VAV2: variants seen among roughly 807,000 people sequenced by gnomAD.
VAV2 encodes the protein guanine nucleotide exchange factor VAV2.
Under a neutral mutation model 132.5 loss-of-function variants are expected in VAV2, and 67 were observed. The observed-to-expected ratio is 0.51, with a 90% confidence interval of 0.42 to 0.62. The LOEUF (loss-of-function observed/expected upper bound fraction) is 0.62. Among genes scored for constraint, VAV2 ranks in the 20% least tolerant of loss-of-function variants. The probability of loss-of-function intolerance (pLI) is 0.00; values close to 1 mark genes in which losing one functional copy is unlikely to be tolerated. For missense variants in VAV2, 938 were observed against 1,153.6 expected (o/e 0.81, Z 2.71); for synonymous variants, 492 against 443.5 (o/e 1.11, Z -1.37).
chr9:133,764,080 T>C lies in VAV2; in HGVS notation c.2619A>G (p.Glu873=). 6.2e-7 allele frequency: 1 copy of C among 1,614,014 alleles called. No individual in the cohort carries two copies. Among genetic ancestry groups the C allele is most frequent in the East Asian group, 2.2e-5 (1 of 44,876 alleles). Residue 873 remains glutamate, a synonymous_variant, in exon 30 of 30, where the codon GAA becomes GAG. Coordinates refer to ENST00000371850, the MANE Select transcript of VAV2 (RefSeq NM_001134398.2). The part of the protein sequence containing the change: ...RIGWFPSTYV[E]EEGIQ Reference sequence around the variant, plus strand: ...CCTGCCGTCACTGGATGCCCTCCTCTTCTACGTACGTTGAAGGAAACCAGC... The same window carrying C: ...CCTGCCGTCACTGGATGCCCTCCTCCTCTACGTACGTTGAAGGAAACCAGC...
At chr9:133,846,524 A>C (rs1412136997) in intron 3 of VAV2, among the ~76,000 whole-genome samples, 1 of 151,778 alleles carries the variant, frequency 6.6e-6, no homozygotes, top group Non-Finnish European at 1.5e-5. Context: ...GGCTCCCCTC[A>C]CACGTTGCTC....
At chr9:133,985,649 T>A (rs1283338028) in intron 1 of VAV2, among the ~76,000 whole-genome samples, 3 of 152,136 alleles carry the variant, frequency 2.0e-5, no homozygotes. Flanking sequence ...AAACAGCTGG[T>A]TCTTAAGCTG....
chr9:133,896,986 C>T (rs1368586591), intron 2 of VAV2, among the ~76,000 whole-genome samples: 3 of 151,838 alleles, frequency 2.0e-5, no homozygotes, highest in Non-Finnish European at 4.4e-5. Context: ...CCCAGCTACT[C>T]GGGAGGCTGA....
chr9:133,977,749 A>C (rs1294593431), intron 1 of VAV2, among the ~76,000 whole-genome samples: 2 of 152,208 alleles, frequency 1.3e-5, no homozygotes, highest in Non-Finnish European at 2.9e-5. Context: ...AACCACAGAC[A>C]CGCCAGAGAA....
chr9:133,903,952 T>C (rs1279117877), intron 2 of VAV2, among the ~76,000 whole-genome samples: 4 of 152,248 alleles, frequency 2.6e-5, no homozygotes, highest in Non-Finnish European at 5.9e-5. Context: ...TTTTTAAAGA[T>C]GTAAACGATT....
chr9:133,952,742 G>A (rs1204064930), intron 1 of VAV2, among the ~76,000 whole-genome samples: 1 of 152,206 alleles, frequency 6.6e-6, no homozygotes, highest in South Asian at 2.1e-4. Flanking sequence ...TTGGCATGAT[G>A]CAGCCACAAG....
At chr9:133,977,736 G>A (rs1215186546) in intron 1 of VAV2, among the ~76,000 whole-genome samples, 1 of 152,222 alleles carries the variant, frequency 6.6e-6, no homozygotes, top group Non-Finnish European at 1.5e-5. Flanking sequence ...CCTGCCGGAC[G>A]CCAACCACAG....
chr9:133,864,219 C>CA (rs11390946), intron 2 of VAV2, among the ~76,000 whole-genome samples: 4,282 of 152,310 alleles, frequency 0.028, 186 homozygotes, highest in African/African-American at 0.096. Flanking sequence ...CAGACAGCCG[C>CA]GGGGCAGGAG....
intron 3 of VAV2, among the ~76,000 whole-genome samples, chr9:133,851,897 ATGG>A (rs1564405594): frequency 6.9e-6 from 1 of 145,364 alleles, no homozygotes; most frequent in East Asian, 2.0e-4. Flanking sequence ...GCATGGATGG[ATGG>A]ATGGATGGGT....
rs1402319248 is a variant in VAV2, at chr9:133,770,369, G to A, written c.2347+9C>T. 5.6e-6 allele frequency: 9 copies of A among 1,613,870 alleles called. No individual in the cohort carries two copies. Among genetic ancestry groups the A allele is most frequent in the Non-Finnish European group, 7.6e-6 (9 of 1,179,862 alleles). Reference sequence around the variant, plus strand: ...GAGTGCTGGTGTGCCGGCTGGGCCGGGGCGTTACCTGGGGACCGGCTGGAG... The same window carrying A: ...GAGTGCTGGTGTGCCGGCTGGGCCGAGGCGTTACCTGGGGACCGGCTGGAG... On this transcript the variant is annotated intron_variant, in intron 27 of 29. Transcript: ENST00000371850.
intron 2 of VAV2, among the ~76,000 whole-genome samples, chr9:133,892,633 G>A (rs1034136509): frequency 1.5e-4 from 23 of 152,110 alleles, no homozygotes; most frequent in African/African-American, 5.6e-4. Flanking sequence ...CCTGAATCGG[G>A]CGTCAGAGTC....
At chr9:133,925,776 C>A (rs571261128) in intron 2 of VAV2, 5 of 152,144 alleles carry the variant, frequency 3.3e-5, no homozygotes, top group Non-Finnish European at 5.9e-5. Flanking sequence ...TTCAAAAAAC[C>A]AGTACTCCTG....
chr9:133,940,185 C>T (rs368627568), intron 1 of VAV2, among the ~76,000 whole-genome samples: 98 of 152,270 alleles, frequency 6.4e-4, no homozygotes, highest in African/African-American at 2.1e-3. Flanking sequence ...ACCTGCCTCA[C>T]GGGATTAATC....
rs530143845 is a variant in VAV2, at chr9:133,903,620, C to T, written c.321+35483G>A. 1.1e-4 allele frequency among the ~76,000 whole-genome samples: 17 copies of T among 152,284 alleles called. No individual in the cohort carries two copies. In the South Asian group the frequency reaches 2.3e-3, roughly 20 times the overall value. On this transcript the variant is annotated intron_variant, in intron 2 of 29. Coordinates refer to ENST00000371850, the MANE Select transcript of VAV2 (RefSeq NM_001134398.2). ...ACATGGCCTCAGCCAGCCTCGGGTC[C>T]GGTGGCTCACAGAGGCTCACCTGGT... is the stretch of plus-strand genomic sequence containing the variant.
chr9:133,906,143 A>T (rs1315628010), intron 2 of VAV2, among the ~76,000 whole-genome samples: 1 of 152,192 alleles, frequency 6.6e-6, no homozygotes, highest in East Asian at 1.9e-4. Context: ...TGTGGCGTGG[A>T]TCCCAAAAGC....
intron 3 of VAV2, among the ~76,000 whole-genome samples, chr9:133,855,317 G>C (rs1837344299): frequency 6.6e-6 from 1 of 152,226 alleles, no homozygotes; most frequent in Admixed American, 6.5e-5. Flanking sequence ...GGAGCCTCCG[G>C]CTGAGATGTC....
chr9:133,983,999 T>C (rs1168622203), intron 1 of VAV2, among the ~76,000 whole-genome samples: 1 of 151,998 alleles, frequency 6.6e-6, no homozygotes, highest in Non-Finnish European at 1.5e-5. Context: ...TGAGATGGAG[T>C]CTCACTCTGC....
Position 133,964,060 on chromosome 9 carries a change from C to CATATATATATAT in VAV2, c.205-24842_205-24841insATATATATATAT, listed in dbSNP as rs1266693883. ...ATATATATATATATACATATATATA[C>CATATATATATAT]ATATATATAAATGAATAGGCCAGGT... is the stretch of plus-strand genomic sequence containing the variant. On this transcript the variant is annotated intron_variant, in intron 1 of 29. Coordinates refer to ENST00000371850, the MANE Select transcript of VAV2 (RefSeq NM_001134398.2). Among the ~76,000 whole-genome samples the CATATATATATAT allele has an allele frequency of 2.1e-3, 230 of 109,654 alleles. 3 individuals are homozygous for CATATATATATAT. Among genetic ancestry groups the CATATATATATAT allele is most frequent in the Non-Finnish European group, 3.2e-3 (180 of 56,254 alleles). 71.9% of individuals were successfully genotyped at this position (109,654 alleles called of 152,430 possible). A position where few individuals can be genotyped will look rare whatever the true frequency, so the allele number is the denominator to read the frequency against.
intron 1 of VAV2, among the ~76,000 whole-genome samples, chr9:133,967,683 G>A (rs1323747182): frequency 2.6e-5 from 4 of 152,142 alleles, no homozygotes; most frequent in East Asian, 1.9e-4. Context: ...TATAATCCCA[G>A]CACTTTAGGA....
Sources: gnomAD v4.1 joint callset for allele counts (sites outside exome capture counted in the v4.1 genomes callset) on GRCh38, gnomAD v4.1.1 for gene constraint, MANE v1.5 for transcripts, NCBI Gene and HGNC (gene_info 2026-07-23, HGNC 2026-07-21) for gene names.